SGCD: variants seen among roughly 807,000 people sequenced by gnomAD.
The protein encoded by SGCD is delta-sarcoglycan.
A neutral mutation model predicts 36.6 loss-of-function variants in SGCD; 18 were observed. That is an observed-to-expected ratio of 0.49 (90% confidence interval 0.34 to 0.73). The LOEUF is 0.73. Among genes scored for constraint, SGCD ranks in the 30% least tolerant of loss-of-function variants. The pLI is 0.01. For missense variants in SGCD, 387 were observed against 346.7 expected (o/e 1.12, Z -0.92); for synonymous variants, 133 against 130.6 (o/e 1.02, Z -0.12).
chr5:156,522,160 A>G (rs1757437116), intron 4 of SGCD, among the ~76,000 whole-genome samples: 1 of 152,000 alleles, frequency 6.6e-6, no homozygotes, highest in Non-Finnish European at 1.5e-5. Context: ...ACCTGGACAC[A>G]GGGCAGGGAA....
At chr5:155,986,765 T>C (rs1034849147) in intron 1 of SGCD, among the ~76,000 whole-genome samples, 1 of 152,200 alleles carries the variant, frequency 6.6e-6, no homozygotes, top group African/African-American at 2.4e-5. Context: ...TCAGAGGTTA[T>C]GCGGTGATCA....
intron 1 of SGCD, among the ~76,000 whole-genome samples, chr5:155,882,943 C>G (rs1755921469): frequency 6.6e-6 from 1 of 152,326 alleles, no homozygotes; most frequent in Non-Finnish European, 1.5e-5. Flanking sequence ...TTTGTATACA[C>G]TGAAAATCCA....
intron 1 of SGCD, among the ~76,000 whole-genome samples, chr5:156,051,496 T>A (rs562303581): frequency 6.8e-6 from 1 of 146,244 alleles, no homozygotes; most frequent in Non-Finnish European, 1.5e-5. Context: ...TGTTCCAACT[T>A]TGAATGCTTC....
chr5:156,157,916 AATG>A (rs1400964948), intron 3 of SGCD, among the ~76,000 whole-genome samples: 4 of 151,762 alleles, frequency 2.6e-5, no homozygotes, highest in Admixed American at 2.0e-4. Context: ...CACATTTTGA[AATG>A]ATAAGTTAAA....
the SGCD span, among the ~76,000 whole-genome samples, chr5:155,844,093 A>G: frequency 2.1e-5 from 3 of 144,416 alleles, no homozygotes; most frequent in East Asian, 2.0e-4. Flanking sequence ...AAATTTAGAA[A>G]AAATGTCAGT....
chr5:155,886,985 A>C (rs775795378), intron 1 of SGCD, among the ~76,000 whole-genome samples: 3 of 152,174 alleles, frequency 2.0e-5, no homozygotes, highest in Non-Finnish European at 4.4e-5. Context: ...TTTCTCTGCC[A>C]TCTGAAACCT....
chr5:155,788,590 A>G, the SGCD span, among the ~76,000 whole-genome samples: 1 of 152,172 alleles, frequency 6.6e-6, no homozygotes, highest in Non-Finnish European at 1.5e-5. Context: ...TTAAGATACT[A>G]TGTCCTTCAC....
intron 6 of SGCD, among the ~76,000 whole-genome samples, chr5:156,604,154 C>T (rs548985354): frequency 6.6e-6 from 1 of 151,940 alleles, no homozygotes; most frequent in Admixed American, 6.6e-5. Context: ...ATGACCTTCT[C>T]CTTTCTTTTT....
chr5:156,051,642 T>C lies in SGCD; in HGVS notation c.-281-66236T>C, dbSNP rs10064481. Among the ~76,000 whole-genome samples, 370 of 146,300 alleles carry C rather than the reference T, an allele frequency of 2.5e-3. 22 individuals are homozygous for C. The highest frequency in any genetic ancestry group is 8.9e-3 in the African/African-American group (362 of 40,682). ...GATTAAGAAAACAGACATGCTTGTG[T>C]GTGTGAAACATATAAACTAGAGGGG... On this transcript the variant is annotated intron_variant, in intron 1 of 9. Transcript: ENST00000517913.
intron 3 of SGCD, among the ~76,000 whole-genome samples, chr5:156,220,493 A>G (rs1764690445): frequency 1.3e-5 from 2 of 152,132 alleles, no homozygotes; most frequent in Admixed American, 1.3e-4. Context: ...TGTGTCTTAA[A>G]AGGACAAATT....
At position 156,082,133 on chromosome 5, in the gene SGCD, G is replaced by A. The variant is rs1760971095; in HGVS notation, c.-281-35745G>A. Among the ~76,000 whole-genome samples the A allele has an allele frequency of 3.3e-5, 5 of 152,220 alleles. No individual in the cohort carries two copies. In the South Asian group the frequency reaches 1.0e-3, roughly 32 times the overall value. On this transcript the variant is annotated intron_variant, in intron 1 of 9. Coordinates refer to the SGCD transcript ENST00000517913. ...GTTTAATTAATGAAAAATCAGAAAAGGGACCAGAAGTACTTGATTTTTTCT... is the reference window on the plus strand; with the variant it reads ...GTTTAATTAATGAAAAATCAGAAAAAGGACCAGAAGTACTTGATTTTTTCT...
chr5:156,118,362 CACTTCCCTGGTA>C (rs1026834205), intron 2 of SGCD, among the ~76,000 whole-genome samples: 1 of 152,070 alleles, frequency 6.6e-6, no homozygotes, highest in African/African-American at 2.4e-5. Context: ...GAATGGGGAC[CACTTCCCTGGTA>C]ACAAAGAGCA....
At position 156,745,725 on chromosome 5, in the gene SGCD, A is replaced by AAAAT. The variant is rs562658145; in HGVS notation, c.576-11853_576-11850dup. ...ACAGAGTAAAAAATAAAGACATATA[A>AAAAT]AAATAACACATTAGAAAAGAAATGA... On this transcript the variant is annotated intron_variant, in intron 7 of 8. Coordinates refer to ENST00000337851, the MANE Select transcript of SGCD (RefSeq NM_000337.6). 2.2e-3 allele frequency among the ~76,000 whole-genome samples: 338 copies of AAAAT among 152,330 alleles called. 2 individuals carry two copies. The highest frequency in any genetic ancestry group is 7.9e-3 in the African/African-American group (329 of 41,564).
chr5:155,862,977 T>C, the SGCD span, among the ~76,000 whole-genome samples: 1 of 152,216 alleles, frequency 6.6e-6, no homozygotes, highest in African/African-American at 2.4e-5. Context: ...AAGATGTCCA[T>C]TGATACCATT....
At chr5:156,246,975 T>A (rs954473891) in intron 3 of SGCD, among the ~76,000 whole-genome samples, 3 of 152,154 alleles carry the variant, frequency 2.0e-5, no homozygotes, top group African/African-American at 7.2e-5. Flanking sequence ...TTAATTAGCA[T>A]AAACAAAAAA....
the SGCD span, among the ~76,000 whole-genome samples, chr5:155,766,583 A>T: frequency 6.6e-6 from 1 of 152,140 alleles, no homozygotes; most frequent in African/African-American, 2.4e-5. Flanking sequence ...AAAATCACAA[A>T]GCAGATTTTA....
chr5:156,191,899 C>T (rs991713460), intron 3 of SGCD, among the ~76,000 whole-genome samples: 3 of 152,100 alleles, frequency 2.0e-5, no homozygotes, highest in Non-Finnish European at 4.4e-5. Context: ...TGTCTCTCTT[C>T]TTCAGAAAAC....
chr5:156,145,072 T>A (rs1326793838), intron 3 of SGCD, among the ~76,000 whole-genome samples: 2 of 152,190 alleles, frequency 1.3e-5, no homozygotes, highest in Admixed American at 6.5e-5. Flanking sequence ...AAATCTCATG[T>A]GGAATTATAA....
At chr5:156,111,779 AT>A (rs200904500) in intron 1 of SGCD, among the ~76,000 whole-genome samples, 24,320 of 143,892 alleles carry the variant, frequency 0.17, 3,477 homozygotes, top group East Asian at 0.46. Flanking sequence ...ATAGAGGTGT[AT>A]TTTTTTTTTT....
Sources: gnomAD v4.1 joint callset for allele counts (sites outside exome capture counted in the v4.1 genomes callset) on GRCh38, gnomAD v4.1.1 for gene constraint, MANE v1.5 for transcripts, NCBI Gene and HGNC (gene_info 2026-07-23, HGNC 2026-07-21) for gene names.